The following FLCN variants were observed in gnomAD, a reference collection of about 807,000 sequenced individuals.
FLCN encodes folliculin.
Under a neutral mutation model 62.5 loss-of-function variants are expected in FLCN, and 22 were observed. The observed-to-expected ratio is 0.35, with a 90% CI of 0.25 to 0.50. FLCN has a LOEUF of 0.50. Among genes scored for constraint, FLCN ranks in the 20% least tolerant of loss-of-function variants. FLCN has a pLI of 0.97. For missense variants in FLCN, 657 were observed against 778.0 expected (o/e 0.84, Z 1.85); for synonymous variants, 319 against 310.0 (o/e 1.03, Z -0.30).
In FLCN at chr17:17,217,188, CAA is replaced by C. The variant is rs2046952645; in HGVS notation, c.1063-8_1063-7del. 1.3e-6 allele frequency: 2 copies of C among 1,590,540 alleles called. No homozygotes were observed. The highest frequency in any genetic ancestry group is 8.6e-7 in the Non-Finnish European group (1 of 1,158,658). Reference sequence around the variant, plus strand: ...AAAGAAGGGGCACCCAGGACCTAAACAAGAGAGTGCAGTGCTTTCAGCGTGAC... The same window carrying C: ...AAAGAAGGGGCACCCAGGACCTAAACGAGAGTGCAGTGCTTTCAGCGTGAC... On this transcript the variant is annotated splice_polypyrimidine_tract_variant and splice_region_variant and intron_variant, in intron 9 of 13. Transcript: ENST00000285071.
intron 13 of FLCN, among the ~76,000 whole-genome samples, 173 bp downstream of exon 13, chr17:17,214,812 G>A (rs796391152): frequency 2.2e-4 from 33 of 152,152 alleles, no homozygotes; most frequent in African/African-American, 7.0e-4. Flanking sequence ...CATGATGACC[G>A]CCTCCCGAGG....
intron 3 of FLCN, among the ~76,000 whole-genome samples, chr17:17,229,871 C>G (rs2047369287): frequency 2.6e-5 from 4 of 152,160 alleles, no homozygotes. Flanking sequence ...CAAGCTTGGC[C>G]ACAGTACAGC....
chr17:17,221,465 A>T (rs1463085081), intron 8 of FLCN, 72 bp downstream of exon 8: 1 of 1,614,016 alleles, frequency 6.2e-7, no homozygotes, highest in South Asian at 1.1e-5. Context: ...GATTCCTGCC[A>T]GGAGAGCAGA....
chr17:17,214,642 G>A (rs2046854106), intron 13 of FLCN, among the ~76,000 whole-genome samples: 1 of 152,034 alleles, frequency 6.6e-6, no homozygotes, highest in Non-Finnish European at 1.5e-5. Flanking sequence ...GCGGGGTGGG[G>A]CATGGGTTAC....
chr17:17,223,913 T>G lies in FLCN; in HGVS notation c.618+9A>C. On this transcript the variant is annotated intron_variant, in intron 6 of 13. Coordinates refer to ENST00000285071, the MANE Select transcript of FLCN (RefSeq NM_144997.7). The stretch of plus-strand genomic sequence containing the variant: ...CCCTGCCGCCCCGGCACCTCATCTC[T>G]GAATTCACCTTGAGCGCCTTGCCCT... 1 of 1,613,244 alleles carries G rather than the reference T, an allele frequency of 6.2e-7. No individual in the cohort carries two copies. The highest frequency in any genetic ancestry group is 1.1e-5 in the South Asian group (1 of 91,080).
chr17:17,225,889 GA>G (rs2047231215), intron 5 of FLCN: 1 of 525,348 alleles, frequency 1.9e-6, no homozygotes, highest in African/African-American at 1.9e-5. Context: ...ACAAAAGAAG[GA>G]AAAAAGAAAA....
intron 13 of FLCN, among the ~76,000 whole-genome samples, chr17:17,214,525 C>T (rs1330446755): frequency 4.0e-5 from 6 of 151,860 alleles, no homozygotes; most frequent in East Asian, 1.9e-4. Context: ...ACCCGGGAGG[C>T]GGAGGTTGTG....
chr17:17,228,455 G>C, intron 3 of FLCN: 1 of 406,348 alleles, frequency 2.5e-6, no homozygotes, highest in Non-Finnish European at 4.6e-6. Flanking sequence ...CGCTGGAAAG[G>C]AATGTCCTCA....
In FLCN at chr17:17,213,867, C is replaced by G. The variant is rs368472222; in HGVS notation, c.1539-11G>C. 3.1e-6 allele frequency: 5 copies of G among 1,613,792 alleles called. No individual in the cohort carries two copies. In the African/African-American group the frequency reaches 4.0e-5, roughly 13 times the overall value. On this transcript the variant is annotated splice_polypyrimidine_tract_variant and intron_variant, in intron 13 of 13. Coordinates refer to ENST00000285071, the MANE Select transcript of FLCN (RefSeq NM_144997.7). ...AGCACCTTCACTTTGCTGAAGAAAA[C>G]CAAAACAAAACACTCAGACACCACA...
rs758385292 is a variant in FLCN, at chr17:17,217,201, T to C, written c.1063-19A>G. The C allele has an allele frequency of 2.6e-6, 4 of 1,525,242 alleles. No individual in the cohort carries two copies. In the South Asian group the frequency reaches 3.4e-5, roughly 13 times the overall value. The allele number at this position is 1,525,242 out of a possible 1,614,324, so 94.5% of individuals were successfully genotyped here. A position where few individuals can be genotyped will look rare whatever the true frequency, so the allele number is the denominator to read the frequency against. On this transcript the variant is annotated intron_variant, in intron 9 of 13. Coordinates refer to ENST00000285071, the MANE Select transcript of FLCN (RefSeq NM_144997.7). ...CCAGGACCTAAACAAGAGAGTGCAG[T>C]GCTTTCAGCGTGACTAGTAGAAATG... is the stretch of plus-strand genomic sequence containing the variant.
Position 17,223,902 on chromosome 17 carries a change from C to T in FLCN, c.618+20G>A. 1 of 1,612,912 alleles carries T rather than the reference C, an allele frequency of 6.2e-7. No homozygotes were observed. On this transcript the variant is annotated intron_variant, in intron 6 of 13. Transcript: ENST00000285071. ...AGTGCAGGGCCCCCTGCCGCCCCGG[C>T]ACCTCATCTCTGAATTCACCTTGAG...
At chr17:17,223,418 C>A (rs1005485437) in intron 6 of FLCN, among the ~76,000 whole-genome samples, 3 of 109,848 alleles carry the variant, frequency 2.7e-5, no homozygotes, top group South Asian at 2.8e-4. Context: ...CATATGGCTG[C>A]CGCTCTGCCT....
chr17:17,221,176 C>A lies in FLCN; in HGVS notation c.871+361G>T, dbSNP rs1415884126. The A allele has an allele frequency of 2.0e-6, 3 of 1,474,034 alleles. No individual in the cohort carries two copies. In the African/African-American group the frequency reaches 4.2e-5, roughly 21 times the overall value. The allele number at this position is 1,474,034 out of a possible 1,614,324, so 91.3% of individuals were successfully genotyped here. ...ATGGAAAACTTGGGACGAACTGAAA[C>A]AGAACACTTTATTTGTAAAGGAGCA... On this transcript the variant is annotated intron_variant, in intron 8 of 13. Transcript: ENST00000285071.
intron 12 of FLCN, 33 bp downstream of exon 12, chr17:17,215,152 C>T (rs2046874406): frequency 1.2e-6 from 2 of 1,613,832 alleles, no homozygotes; most frequent in East Asian, 2.2e-5. Context: ...GGCATCTTCT[C>T]ACAAAAAGGA....
At chr17:17,236,570 C>T (rs2145150083) in intron 1 of FLCN, among the ~76,000 whole-genome samples, 1 of 152,290 alleles carries the variant, frequency 6.6e-6, no homozygotes, top group Non-Finnish European at 1.5e-5. Context: ...GTCTTCCACC[C>T]TCCCTGGAGG....
intron 5 of FLCN, chr17:17,224,976 G>A (rs1358183796): frequency 2.0e-5 from 3 of 152,666 alleles, no homozygotes; most frequent in Non-Finnish European, 4.4e-5. Flanking sequence ...GAGGACAGTT[G>A]AGGGCAGGCA....
chr17:17,222,584 C>T lies in FLCN; in HGVS notation c.696G>A (p.Gln232=), dbSNP rs780010668. Residue 232 remains glutamine, a synonymous_variant, in exon 7 of 14, where the codon CAG becomes CAA. Transcript: ENST00000285071. ...MNTAFTPFLH[Q]RNGNAARSLT... ...GCGAGCGGGCGGCGTTGCCGTTCCT[C>T]TGGTGTAGGAATGGCGTGAAGGCTG... is the stretch of plus-strand genomic sequence containing the variant. The T allele has an allele frequency of 1.2e-6, 2 of 1,614,254 alleles. No homozygotes were observed. Among genetic ancestry groups the T allele is most frequent in the Admixed American group, 1.7e-5 (1 of 60,030 alleles).
Position 17,222,647 on chromosome 17 carries a change from C to G in FLCN, c.633G>C (p.Glu211Asp), listed in dbSNP as rs876659927. ...GAGCACGCTGTGGGCATCCAAACTG[C>G]TCTGCCTCAAACACCTGAAATGCAA... ...QGKALKVFEA[E>D]QFGCPQRAQR... Residue 211 changes from glutamate to aspartate, a missense_variant, in exon 7 of 14, where the codon GAG becomes GAC. By Grantham distance (45) the Glu-to-Asp change is conservative. Coordinates refer to ENST00000285071, the MANE Select transcript of FLCN (RefSeq NM_144997.7). 2 of 1,614,210 alleles carry G rather than the reference C, an allele frequency of 1.2e-6. No individual in the cohort carries two copies. Among genetic ancestry groups the G allele is most frequent in the East Asian group, 2.2e-5 (1 of 44,886 alleles).
rs550746288 is a variant in FLCN, at chr17:17,212,938, T to C, written c.*717A>G. ...GGCGGGGCTCACCATATCCAGGGGA[T>C]TGGGCAAGTCAGATGCTTGCCGACC... is the stretch of plus-strand genomic sequence containing the variant. On this transcript the variant is annotated 3_prime_UTR_variant, in exon 14 of 14. Transcript: ENST00000285071. 4.2e-6 allele frequency: 1 copy of C among 235,456 alleles called. No individual in the cohort carries two copies. Among genetic ancestry groups the C allele is most frequent in the Non-Finnish European group, 8.4e-6 (1 of 119,372 alleles). The allele number at this position is 235,456 out of a possible 1,614,324, so 14.6% of individuals were successfully genotyped here.
Sources: allele counts gnomAD v4.1 joint callset (sites outside exome capture counted in the v4.1 genomes callset), GRCh38; gene constraint gnomAD v4.1.1; transcripts MANE v1.5; gene names NCBI Gene and HGNC (gene_info 2026-07-23, HGNC 2026-07-21).